Variants in TMEM255A observed in about 807,000 individuals in gnomAD.
The protein encoded by TMEM255A is family with sequence similarity 70, member A.
Under a neutral mutation model 23.5 loss-of-function variants are expected in TMEM255A, and 14 were observed. The observed-to-expected ratio is 0.60, with a 90% CI of 0.39 to 0.93. The LOEUF (loss-of-function observed/expected upper bound fraction) is 0.93, where lower values mean the gene tolerates loss of function less well. TMEM255A is among the 40% of genes least tolerant of loss of function. The pLI, the probability that TMEM255A is intolerant of heterozygous loss-of-function variation, is 0.00. For missense variants in TMEM255A, 233 were observed against 261.7 expected, an observed-to-expected ratio of 0.89 and a Z score of 0.76; for synonymous variants, 104 against 100.3, an observed-to-expected ratio of 1.04 and a Z score of -0.22.
intron 7 of TMEM255A, among the ~76,000 whole-genome samples, chrX:120,269,370 T>C (rs1830337974): frequency 8.9e-6 from 1 of 111,927 alleles, no homozygotes. Context: ...TTCTATGTCA[T>C]TGATACCTCC....
intron 2 of TMEM255A, among the ~76,000 whole-genome samples, chrX:120,298,547 G>C (rs2147215137): frequency 9.0e-6 from 1 of 111,600 alleles, no homozygotes; most frequent in African/African-American, 3.3e-5. Context: ...AGAAACATGA[G>C]GTGCTTGATT....
intron 2 of TMEM255A, 64 bp from the exon 3 acceptor site, chrX:120,294,115 C>T (rs2057936373): frequency 1.1e-6 from 1 of 872,592 alleles, no homozygotes; most frequent in South Asian, 2.1e-5. Context: ...ACAATCATTC[C>T]AGCCCCTTCA....
intron 2 of TMEM255A, among the ~76,000 whole-genome samples, chrX:120,297,077 ATTATATTATAAT>A (rs2057996133): frequency 1.3e-4 from 1 of 7,664 alleles, no homozygotes; most frequent in Non-Finnish European, 1.5e-4. Flanking sequence ...TATATATTAT[ATTATATTATAAT>A]ATATATAATA....
chrX:120,297,389 G>A (rs2058003801), intron 2 of TMEM255A, among the ~76,000 whole-genome samples: 1 of 104,374 alleles, frequency 9.6e-6, no homozygotes, highest in South Asian at 4.2e-4. Flanking sequence ...GTTTCATAGA[G>A]GAGGAGACAT....
rs936640425 is a variant in TMEM255A at position 120,259,044 on chromosome X, T to C, written c.*1826A>G. The C allele has an allele frequency of 8.9e-6, 1 of 112,779 alleles. No homozygotes were observed. The highest frequency in any genetic ancestry group is 1.9e-5 in the Non-Finnish European group (1 of 53,248). 9.3% of individuals were successfully genotyped at this position (112,779 alleles called of 1,213,427 possible). A position where few individuals can be genotyped will look rare whatever the true frequency, so the allele number is the denominator to read the frequency against. ...AAGAAAAATACATAGAAATGAGCCA[T>C]AGAATCTTAACACTTTAAGAAATGT... On this transcript the variant is annotated 3_prime_UTR_variant, in exon 9 of 9. Transcript: ENST00000371369.
At chrX:120,296,631 A>ATAT (rs2057959459) in intron 2 of TMEM255A, among the ~76,000 whole-genome samples, 2 of 68,766 alleles carry the variant, frequency 2.9e-5, no homozygotes, top group African/African-American at 1.3e-4. Flanking sequence ...TATAATATAT[A>ATAT]TATATTATAT....
At chrX:120,258,649 A>G (rs2057653748), downstream of TMEM255A, 1 of 112,386 alleles carries the variant, frequency 8.9e-6, no homozygotes, top group African/African-American at 3.2e-5. Context: ...ACACAAGTGG[A>G]TAACGAGGGG....
At chrX:120,305,797 A>G (rs1158243768) in intron 1 of TMEM255A, among the ~76,000 whole-genome samples, 1 of 111,156 alleles carries the variant, frequency 9.0e-6, no homozygotes, top group Non-Finnish European at 1.9e-5. Context: ...CTTGCAGTCC[A>G]CTGCAGATAT....
chrX:120,281,376 C>G (rs1483103094), intron 6 of TMEM255A, among the ~76,000 whole-genome samples: 3 of 112,111 alleles, frequency 2.7e-5, no homozygotes, highest in African/African-American at 9.7e-5. Context: ...CAGTCTCCTA[C>G]TTAACAAAGT....
chrX:120,253,592 G>C, the TMEM255A span: 1 of 1,212,149 alleles, frequency 8.2e-7, no homozygotes, highest in Non-Finnish European at 1.1e-6. Context: ...ACTTCCATCA[G>C]CTCTTCTCTG....
chrX:120,282,965 C>A (rs1210636363), intron 6 of TMEM255A, among the ~76,000 whole-genome samples: 1 of 110,086 alleles, frequency 9.1e-6, no homozygotes, highest in Non-Finnish European at 1.9e-5. Context: ...CCCTAGGAGG[C>A]CATGAAATGG....
At chrX:120,274,879 A>C (rs2057785797) in intron 7 of TMEM255A, among the ~76,000 whole-genome samples, 1 of 111,375 alleles carries the variant, frequency 9.0e-6, no homozygotes, top group East Asian at 2.8e-4. Flanking sequence ...GCTACCACCT[A>C]CTCCATTTGT....
chrX:120,311,029 G>T (rs1266032787), intron 1 of TMEM255A, among the ~76,000 whole-genome samples: 1 of 110,411 alleles, frequency 9.1e-6, no homozygotes, highest in Non-Finnish European at 1.9e-5. Context: ...GAGATACTCC[G>T]ACGCAAGCTT....
At chrX:120,268,761 T>C (rs1343465731) in intron 7 of TMEM255A, among the ~76,000 whole-genome samples, 1 of 112,127 alleles carries the variant, frequency 8.9e-6, no homozygotes, top group Non-Finnish European at 1.9e-5. Context: ...TGTCAAAATG[T>C]TTACAACTAA....
Position 120,297,943 on chromosome X carries a change from T to C in TMEM255A, c.202-3892A>G, listed in dbSNP as rs183938363. Among the ~76,000 whole-genome samples the C allele has an allele frequency of 1.1e-4, 12 of 111,218 alleles. No individual in the cohort carries two copies. In the East Asian group the frequency reaches 2.8e-3, roughly 26 times the overall value. The stretch of plus-strand genomic sequence containing the variant: ...AAAATGGACAGCTGCTTCTAAACAA[T>C]TGCTTGCTCCCCTGAGACCTCAGAA... On this transcript the variant is annotated intron_variant, in intron 2 of 8. Transcript: ENST00000371369.
chrX:120,269,510 G>A (rs1951244245), intron 7 of TMEM255A, among the ~76,000 whole-genome samples: 1 of 112,001 alleles, frequency 8.9e-6, no homozygotes, highest in South Asian at 3.7e-4. Flanking sequence ...GCAGGCTTTG[G>A]CAGTCACAAA....
chrX:120,266,025 G>A (rs1281045471), intron 8 of TMEM255A, among the ~76,000 whole-genome samples: 1 of 105,375 alleles, frequency 9.5e-6, no homozygotes, highest in Admixed American at 1.0e-4. Flanking sequence ...ATGGTGGCAC[G>A]CACCTGTAAT....
rs1454653217 is a variant in TMEM255A at position 120,285,139 on chromosome X, T to C, written c.500A>G (p.Tyr167Cys). The C allele has an allele frequency of 8.3e-7, 1 of 1,208,365 alleles. No homozygotes were observed. The highest frequency in any genetic ancestry group is 1.8e-5 in the African/African-American group (1 of 57,103). The part of the protein sequence containing the change: ...RGNTCFCCDL[Y>C]NCGNRVEITG... Reference sequence around the variant, plus strand: ...CCTCAACACTTACTTGCCACAGTTGTAGAGGTCACAGCAGAAGCAGGTGTT... The same window carrying C: ...CCTCAACACTTACTTGCCACAGTTGCAGAGGTCACAGCAGAAGCAGGTGTT... Residue 167 changes from tyrosine to cysteine, a missense_variant, in exon 6 of 9, where the codon TAC becomes TGC. Coordinates refer to ENST00000371369, the MANE Select transcript of TMEM255A (RefSeq NM_001104544.3).
chrX:120,265,542 A>T (rs1464350060), intron 8 of TMEM255A, among the ~76,000 whole-genome samples: 2 of 111,958 alleles, frequency 1.8e-5, no homozygotes, highest in Admixed American at 9.4e-5. Context: ...TCCAGTAGAA[A>T]GTATAAATAT....
Sources: gnomAD v4.1 joint callset for allele counts (sites outside exome capture counted in the v4.1 genomes callset) on GRCh38, gnomAD v4.1.1 for gene constraint, MANE v1.5 for transcripts, NCBI Gene and HGNC (gene_info 2026-07-23, HGNC 2026-07-21) for gene names.